WNK2: variants seen among roughly 807,000 people sequenced by gnomAD.
WNK2 encodes the protein serine/threonine-protein kinase WNK2.
WNK2 carries 67 observed loss-of-function variants against 192.1 expected under a neutral mutation model. The observed-to-expected ratio is 0.35, with a 90% confidence interval of 0.29 to 0.43. The LOEUF (loss-of-function observed/expected upper bound fraction) is 0.43, where lower values mean the gene tolerates loss of function less well. Ranked by LOEUF, WNK2 falls within the 20% of genes least tolerant of loss-of-function variation. The probability of loss-of-function intolerance (pLI) is 1.00; values close to 1 mark genes in which losing one functional copy is unlikely to be tolerated. For synonymous variants in WNK2, 1,439 were observed against 1,393.9 expected, an observed-to-expected ratio of 1.03 and a Z score of -0.72; for missense variants, 2,698 against 3,089.7, an observed-to-expected ratio of 0.87 and a Z score of 3.01.
chr9:93,247,515 G>T lies in WNK2; in HGVS notation c.1543-28G>T. 6.2e-7 allele frequency: 1 copy of T among 1,600,880 alleles called. No individual in the cohort carries two copies. Among genetic ancestry groups the T allele is most frequent in the South Asian group, 1.1e-5 (1 of 88,458 alleles). On this transcript the variant is annotated intron_variant, in intron 7 of 29. Transcript: ENST00000427277. The surrounding 1 kb of genome is among the most constrained non-coding windows in gnomAD (Gnocchi z 5.2). ...GGGCCGGTGAGGGCTGATCCCCAGC[G>T]ATGCTGACAACATGACTGCCTTTAC... is the stretch of plus-strand genomic sequence containing the variant.
In WNK2 at chr9:93,202,621, T is replaced by TG. The variant is rs1453939038; in HGVS notation, c.681+17016dup. ...AAAGGGTTCCGCTGTGTTTTCTCTT[T>TG]GGGGGAGGGAAAATTACATGGGGTG... On this transcript the variant is annotated intron_variant, in intron 2 of 29. Transcript: ENST00000427277. Among the ~76,000 whole-genome samples, 13 of 135,950 alleles carry TG rather than the reference T, an allele frequency of 9.6e-5. 1 individual carries two copies. Among genetic ancestry groups the TG allele is most frequent in the Non-Finnish European group, 1.6e-5 (1 of 63,100 alleles). 89.2% of individuals were successfully genotyped at this position (135,950 alleles called of 152,430 possible). A position where few individuals can be genotyped will look rare whatever the true frequency, so the allele number is the denominator to read the frequency against.
chr9:93,298,928 T>C, intron 24 of WNK2, 142 bp from the exon 25 acceptor site: 1 of 805,534 alleles, frequency 1.2e-6, no homozygotes, highest in South Asian at 1.8e-5. Flanking sequence ...CTGTGGGAGA[T>C]GTGGCCATGT....
At chr9:93,298,239 C>A (rs1850950999) in intron 24 of WNK2, among the ~76,000 whole-genome samples, 172 bp downstream of exon 24, 1 of 152,230 alleles carries the variant, frequency 6.6e-6, no homozygotes, top group South Asian at 2.1e-4. Context: ...AGCATGAAGG[C>A]AGCCCTGGTC....
chr9:93,266,155 G>T (rs1428914427), intron 16 of WNK2, among the ~76,000 whole-genome samples: 3 of 152,174 alleles, frequency 2.0e-5, no homozygotes, highest in Non-Finnish European at 4.4e-5. Context: ...GTTGAAGGGT[G>T]GGTGTGTGGC....
intron 5 of WNK2, among the ~76,000 whole-genome samples, chr9:93,235,281 G>A (rs1445428877): frequency 6.6e-6 from 1 of 152,214 alleles, no homozygotes; most frequent in Non-Finnish European, 1.5e-5. Context: ...AGAGGCTGGA[G>A]CTTCACCATA....
chr9:93,248,860 G>A (rs920917341), intron 8 of WNK2, among the ~76,000 whole-genome samples: 4 of 152,214 alleles, frequency 2.6e-5, no homozygotes, highest in Admixed American at 6.5e-5. Flanking sequence ...GGGATAGAAT[G>A]ACAGAGCCAA....
intron 26 of WNK2, 178 bp from the exon 27 acceptor site, chr9:93,306,599 C>A: frequency 1.4e-6 from 1 of 731,740 alleles, no homozygotes; most frequent in Non-Finnish European, 2.3e-6. Flanking sequence ...TGGGAGCCTG[C>A]ACCCTCTCTC....
chr9:93,225,587 C>T (rs1837670708), intron 2 of WNK2, among the ~76,000 whole-genome samples: 1 of 152,200 alleles, frequency 6.6e-6, no homozygotes, highest in Non-Finnish European at 1.5e-5. Flanking sequence ...GACTGTAGTG[C>T]ATGCAGGGTA....
At chr9:93,279,302 C>A (rs1409772066) in intron 19 of WNK2, among the ~76,000 whole-genome samples, 1 of 152,224 alleles carries the variant, frequency 6.6e-6, no homozygotes, top group Non-Finnish European at 1.5e-5. Flanking sequence ...TGTTGTATTT[C>A]TGTATGCTAA....
At chr9:93,268,942 A>G in intron 19 of WNK2, 196 bp downstream of exon 19, 1 of 1,552,670 alleles carries the variant, frequency 6.4e-7, no homozygotes, top group Non-Finnish European at 8.7e-7. Context: ...CAGTCAAAGC[A>G]GCCTCCAGGT....
At chr9:93,249,130 G>C (rs1274545670) in intron 8 of WNK2, among the ~76,000 whole-genome samples, 1 of 152,190 alleles carries the variant, frequency 6.6e-6, no homozygotes, top group African/African-American at 2.4e-5. Context: ...AAAAATTAAA[G>C]AGCACAGACT....
At chr9:93,279,953 T>C (rs1194327945) in intron 19 of WNK2, among the ~76,000 whole-genome samples, 1 of 152,228 alleles carries the variant, frequency 6.6e-6, no homozygotes, top group Admixed American at 6.5e-5. Context: ...ATGAAACTTA[T>C]GGTAGAAAAC....
chr9:93,294,089 C>T (rs1411314247), intron 23 of WNK2, among the ~76,000 whole-genome samples: 1 of 152,214 alleles, frequency 6.6e-6, no homozygotes, highest in African/African-American at 2.4e-5. Flanking sequence ...ACCAAATTCA[C>T]CAGTGCCTGA....
At chr9:93,235,878 C>T (rs1359612351) in intron 5 of WNK2, among the ~76,000 whole-genome samples, 1 of 152,254 alleles carries the variant, frequency 6.6e-6, no homozygotes, top group East Asian at 1.9e-4. Flanking sequence ...CTCACTCTGA[C>T]CCATCCCTCC....
intron 23 of WNK2, among the ~76,000 whole-genome samples, chr9:93,296,212 C>T (rs576615573): frequency 1.7e-5 from 1 of 59,118 alleles, no homozygotes; most frequent in Non-Finnish European, 3.4e-5. Flanking sequence ...CCTTCCCTCA[C>T]CTTCCTCCCC....
In WNK2 at chr9:93,292,449, G is replaced by C. The variant is rs769337929; in HGVS notation, c.5026-42G>C. 8 of 1,613,286 alleles carry C rather than the reference G, an allele frequency of 5.0e-6. No homozygotes were observed. The African/African-American group carries it at 9.3e-5, about 19-fold the overall frequency. Reference sequence around the variant, plus strand: ...TGGTTGGCAGGGTTTGCTCTGTGCTGATGTTCACATGAAACCTCTTCATCT... The same window carrying C: ...TGGTTGGCAGGGTTTGCTCTGTGCTCATGTTCACATGAAACCTCTTCATCT... On this transcript the variant is annotated intron_variant, in intron 22 of 29. Coordinates refer to ENST00000427277, the MANE Select transcript of WNK2 (RefSeq NM_006648.4).
chr9:93,191,923 G>A (rs1022736786), intron 2 of WNK2, among the ~76,000 whole-genome samples: 4 of 151,728 alleles, frequency 2.6e-5, no homozygotes, highest in Non-Finnish European at 5.9e-5. Context: ...GCTACTTGTA[G>A]GGCTGAGGCA....
At chr9:93,216,182 T>A (rs1296472099) in intron 2 of WNK2, among the ~76,000 whole-genome samples, 1 of 152,160 alleles carries the variant, frequency 6.6e-6, no homozygotes, top group Non-Finnish European at 1.5e-5. Context: ...CTGATTGCCA[T>A]CTTCCCAGCC....
At chr9:93,245,389 G>A (rs377292803) in intron 7 of WNK2, among the ~76,000 whole-genome samples, 5 of 152,250 alleles carry the variant, frequency 3.3e-5, no homozygotes, top group Middle Eastern at 6.8e-3. Context: ...CCCTTTCCTC[G>A]CCTGACTTCC....
Sources: allele counts gnomAD v4.1 joint callset (sites outside exome capture counted in the v4.1 genomes callset), GRCh38; gene constraint gnomAD v4.1.1; non-coding constraint Gnocchi (gnomAD v3.1); transcripts MANE v1.5; gene names NCBI Gene and HGNC (gene_info 2026-07-23, HGNC 2026-07-21).